MTMR7: variants seen among roughly 807,000 people sequenced by gnomAD.
MTMR7 encodes phosphatidylinositol-3-phosphate phosphatase MTMR7.
In MTMR7, 76 loss-of-function variants were observed where a neutral mutation model predicts 81.2. That is an observed-to-expected ratio of 0.94 (90% CI 0.78 to 1.13). The LOEUF (loss-of-function observed/expected upper bound fraction) is 1.13, where lower values mean the gene tolerates loss of function less well. Among genes scored for constraint, MTMR7 ranks in the 50% most tolerant of loss-of-function variants. The pLI is 0.00. For missense variants in MTMR7, 1,044 were observed against 820.0 expected (o/e 1.27, Z -3.34); for synonymous variants, 372 against 289.8 (o/e 1.28, Z -2.88).
At chr8:17,351,537 G>A (rs1819727279) in intron 4 of MTMR7, among the ~76,000 whole-genome samples, 1 of 152,218 alleles carries the variant, frequency 6.6e-6, no homozygotes, top group South Asian at 2.1e-4. Flanking sequence ...CAGAGTAGAG[G>A]TATGTAGATT....
At chr8:17,365,243 T>A (rs544771041) in intron 3 of MTMR7, among the ~76,000 whole-genome samples, 1 of 152,232 alleles carries the variant, frequency 6.6e-6, no homozygotes, top group Non-Finnish European at 1.5e-5. Flanking sequence ...AGGTCCCTTG[T>A]CCTTTTCTTA....
At chr8:17,399,581 T>A (rs1277226561) in intron 1 of MTMR7, among the ~76,000 whole-genome samples, 2 of 151,942 alleles carry the variant, frequency 1.3e-5, no homozygotes, top group Non-Finnish European at 2.9e-5. Flanking sequence ...TTCAATACAA[T>A]CCCTATCAAA....
At chr8:17,408,395 C>CAAAAAAAAAAAAAAAAAAAAAAAAAA (rs530240881) in intron 1 of MTMR7, among the ~76,000 whole-genome samples, 3 of 23,508 alleles carry the variant, frequency 1.3e-4, no homozygotes, top group African/African-American at 2.8e-4. Flanking sequence ...GACTCCGTCT[C>CAAAAAAAAAAAAAAAAAAAAAAAAAA]AAAAAAAAAA....
intron 5 of MTMR7, among the ~76,000 whole-genome samples, chr8:17,344,069 A>G (rs189158852): frequency 7.9e-4 from 120 of 152,292 alleles, no homozygotes; most frequent in Middle Eastern, 3.4e-3. Context: ...GCACTATTAT[A>G]AGAACTTTGC....
At position 17,373,515 on chromosome 8, in the gene MTMR7, C is replaced by A. The variant is rs1263381067; in HGVS notation, c.25-275G>T. ...TTAAGAATACCCTCTCTGGGTTTTA[C>A]AATGGTCAACGCTTTCATTTCATTA... On this transcript the variant is annotated intron_variant, in intron 1 of 13. Transcript: ENST00000180173. 3.3e-5 allele frequency among the ~76,000 whole-genome samples: 5 copies of A among 151,734 alleles called. No individual in the cohort carries two copies. The East Asian group carries it at 5.8e-4, about 18-fold the overall frequency.
chr8:17,381,676 T>A (rs1324022955), intron 1 of MTMR7, among the ~76,000 whole-genome samples: 3 of 152,174 alleles, frequency 2.0e-5, no homozygotes, highest in Non-Finnish European at 2.9e-5. Flanking sequence ...TCCAGATCAC[T>A]GTCAGTCATC....
Position 17,367,367 on chromosome 8 carries a change from AGAG to A in MTMR7, c.310+3667_310+3669del, listed in dbSNP as rs372946866. The stretch of plus-strand genomic sequence containing the variant: ...CAGCAGGAGGCAAATTGGAGGGAAG[AGAG>A]GAGAGAGGACATGGGAAAAGCTGAA... On this transcript the variant is annotated intron_variant, in intron 3 of 13. Coordinates refer to ENST00000180173, the MANE Select transcript of MTMR7 (RefSeq NM_004686.5). Among the ~76,000 whole-genome samples, 248 of 152,306 alleles carry A rather than the reference AGAG, an allele frequency of 1.6e-3. 3 individuals carry two copies. Among genetic ancestry groups the A allele is most frequent in the African/African-American group, 5.2e-3 (217 of 41,574 alleles).
chr8:17,378,684 A>G (rs1284301644), intron 1 of MTMR7, among the ~76,000 whole-genome samples: 2 of 152,214 alleles, frequency 1.3e-5, no homozygotes, highest in African/African-American at 4.8e-5. Context: ...TATGCAAAAG[A>G]TATTACACTA....
intron 7 of MTMR7, among the ~76,000 whole-genome samples, chr8:17,321,450 A>T (rs954487690): frequency 6.6e-6 from 1 of 152,194 alleles, no homozygotes; most frequent in African/African-American, 2.4e-5. Context: ...TAACCCCACC[A>T]GTTTCTCAAG....
chr8:17,403,727 T>A (rs1238268213), intron 1 of MTMR7, among the ~76,000 whole-genome samples: 1 of 151,928 alleles, frequency 6.6e-6, no homozygotes, highest in Non-Finnish European at 1.5e-5. Flanking sequence ...TCAGTTTTTG[T>A]GTGTCCTCTT....
intron 1 of MTMR7, among the ~76,000 whole-genome samples, chr8:17,409,236 A>C (rs766877739): frequency 5.3e-5 from 8 of 152,176 alleles, no homozygotes; most frequent in Non-Finnish European, 1.2e-4. Context: ...AGGCAAGTGG[A>C]TCACCTGAGG....
At chr8:17,394,587 A>C (rs1821195438) in intron 1 of MTMR7, among the ~76,000 whole-genome samples, 1 of 152,154 alleles carries the variant, frequency 6.6e-6, no homozygotes, top group Non-Finnish European at 1.5e-5. Context: ...GGGGTGGTGA[A>C]AATGTTCAGA....
Position 17,361,281 on chromosome 8 carries a change from G to C in MTMR7, c.311-7C>G. 1 of 1,613,978 alleles carries C rather than the reference G, an allele frequency of 6.2e-7. No homozygotes were observed. The highest frequency in any genetic ancestry group is 8.5e-7 in the Non-Finnish European group (1 of 1,179,876). Reference sequence around the variant, plus strand: ...TATAACTCCTCATATTTCACTGCAAGAAAAGGTAGGATAAAGTTAAATCAA... The same window carrying C: ...TATAACTCCTCATATTTCACTGCAACAAAAGGTAGGATAAAGTTAAATCAA... On this transcript the variant is annotated splice_polypyrimidine_tract_variant and splice_region_variant and intron_variant, in intron 3 of 13. Transcript: ENST00000180173.
At chr8:17,364,506 A>G (rs1048316291) in intron 3 of MTMR7, among the ~76,000 whole-genome samples, 3 of 152,208 alleles carry the variant, frequency 2.0e-5, no homozygotes, top group African/African-American at 7.2e-5. Context: ...ACACTGTGCA[A>G]CAGATTTCAA....
chr8:17,330,278 T>C (rs896374208), intron 7 of MTMR7, among the ~76,000 whole-genome samples: 1 of 152,218 alleles, frequency 6.6e-6, no homozygotes, highest in Non-Finnish European at 1.5e-5. Flanking sequence ...AGAGCCTGCA[T>C]TTCCCATCAA....
intron 10 of MTMR7, 90 bp downstream of exon 10, chr8:17,309,183 AAAAC>A: frequency 1.1e-6 from 1 of 875,820 alleles, no homozygotes; most frequent in Non-Finnish European, 1.8e-6. Flanking sequence ...ACAAACTCAA[AAAAC>A]AAGACGATTT....
chr8:17,366,657 C>T (rs1342127039), intron 3 of MTMR7, among the ~76,000 whole-genome samples: 4 of 152,056 alleles, frequency 2.6e-5, no homozygotes, highest in African/African-American at 4.8e-5. Flanking sequence ...GAGGCCGAGG[C>T]GGGCGGATCA....
In MTMR7 at chr8:17,313,292, C is replaced by T; in HGVS notation, c.975G>A (p.Lys325=). 1 of 1,602,950 alleles carries T rather than the reference C, an allele frequency of 6.2e-7. No individual in the cohort carries two copies. The highest frequency in any genetic ancestry group is 8.5e-7 in the Non-Finnish European group (1 of 1,170,568). Residue 325 remains lysine, a splice_region_variant and synonymous_variant, in exon 8 of 14, where the codon AAG becomes AAA. Transcript: ENST00000180173. ...ATTTATTTTCTCTGCAATTGCATACCTTTGCAATGAAGATTCCTGCATCCA... is the reference window on the plus strand; with the variant it reads ...ATTTATTTTCTCTGCAATTGCATACTTTTGCAATGAAGATTCCTGCATCCA... ...AIMDAGIFIA[K]AVSEEGASVL...
chr8:17,368,136 C>G (rs917801443), intron 3 of MTMR7, among the ~76,000 whole-genome samples: 3 of 152,054 alleles, frequency 2.0e-5, no homozygotes, highest in Non-Finnish European at 4.4e-5. Flanking sequence ...CTCAGATCAT[C>G]AGGAGCACAC....
Sources: gnomAD v4.1 joint callset for allele counts (sites outside exome capture counted in the v4.1 genomes callset) on GRCh38, gnomAD v4.1.1 for gene constraint, MANE v1.5 for transcripts, NCBI Gene and HGNC (gene_info 2026-07-23, HGNC 2026-07-21) for gene names.